SNAPC3: variants seen among roughly 807,000 people sequenced by gnomAD.
The protein encoded by SNAPC3 is snRNA-activating protein complex subunit 3.
In SNAPC3, 56 loss-of-function variants were observed where a neutral mutation model predicts 47.7. That is an observed-to-expected ratio of 1.18 (90% CI 0.95 to 1.47). The LOEUF is 1.47. Among genes scored for constraint, SNAPC3 ranks in the 40% most tolerant of loss-of-function variants. SNAPC3 has a pLI of 0.00. For missense variants in SNAPC3, 665 were observed against 511.3 expected, an observed-to-expected ratio of 1.30 and a Z score of -2.90; for synonymous variants, 235 against 189.9, an observed-to-expected ratio of 1.24 and a Z score of -1.95.
intron 2 of SNAPC3, among the ~76,000 whole-genome samples, chr9:15,433,003 G>A (rs1224039051): frequency 3.3e-5 from 5 of 152,158 alleles, no homozygotes; most frequent in African/African-American, 4.8e-5. Flanking sequence ...CTAGTAAGAT[G>A]TCATATTAAT....
downstream of SNAPC3, chr9:15,466,710 TAAA>T (rs749910436): frequency 7.3e-6 from 11 of 1,500,972 alleles, no homozygotes; most frequent in Admixed American, 2.0e-5. Flanking sequence ...ACCTGAATAA[TAAA>T]AAACACACAA....
intron 2 of SNAPC3, among the ~76,000 whole-genome samples, chr9:15,429,418 G>A (rs907369436): frequency 3.3e-5 from 5 of 151,832 alleles, no homozygotes; most frequent in African/African-American, 1.2e-4. Context: ...AGAGGATGAG[G>A]GTGGAAGATT....
downstream of SNAPC3, chr9:15,464,260 GA>G: frequency 5.2e-6 from 1 of 193,568 alleles, no homozygotes; most frequent in Non-Finnish European, 1.1e-5. Context: ...TTCTGTAGAT[GA>G]AAACAGTTAT....
intron 2 of SNAPC3, among the ~76,000 whole-genome samples, chr9:15,427,521 T>C (rs7869072): frequency 6.6e-6 from 1 of 152,150 alleles, no homozygotes; most frequent in African/African-American, 2.4e-5. Flanking sequence ...GCTAATTTTT[T>C]ATATTTTTAG....
At chr9:15,445,076 A>G (rs2033820157) in intron 4 of SNAPC3, among the ~76,000 whole-genome samples, 1 of 152,240 alleles carries the variant, frequency 6.6e-6, no homozygotes, top group Non-Finnish European at 1.5e-5. Context: ...CCTAGGAGAC[A>G]GCGTGAGACC....
chr9:15,449,410 A>T (rs1239720321), intron 5 of SNAPC3, among the ~76,000 whole-genome samples: 1 of 151,722 alleles, frequency 6.6e-6, no homozygotes, highest in Non-Finnish European at 1.5e-5. Flanking sequence ...TTGTCAATTT[A>T]CTTGGTCTGT....
chr9:15,466,301 C>T, downstream of SNAPC3, among the ~76,000 whole-genome samples: 1 of 152,184 alleles, frequency 6.6e-6, no homozygotes, highest in Non-Finnish European at 1.5e-5. Context: ...ATCGCTTGAA[C>T]CCAGGAAGTG....
rs2030788244 is a variant in SNAPC3, at chr9:15,423,126, G to A, written c.247G>A (p.Asp83Asn). The change falls in exon 1 of 9, where the codon GAT becomes AAT. Residue 83 changes from aspartate (D) to asparagine (N), a missense_variant. By Grantham distance (23) the Asp-to-Asn change is conservative (BLOSUM62 1). Coordinates refer to ENST00000380821, the MANE Select transcript of SNAPC3 (RefSeq NM_001039697.2). The part of the protein sequence containing the change: ...GSQAADSDRE[D>N]AAVARDLDCS... ...CCAGGCAGCTGACTCCGACCGGGAG[G>A]ATGCCGCGGTGGCCAGGGATCTGGA... is the stretch of plus-strand genomic sequence containing the variant. 3 of 1,557,392 alleles carry A rather than the reference G, an allele frequency of 1.9e-6. No individual in the cohort carries two copies. Among genetic ancestry groups the A allele is most frequent in the South Asian group, 2.4e-5 (2 of 83,932 alleles).
chr9:15,454,229 C>CAA (rs574232604), intron 7 of SNAPC3, among the ~76,000 whole-genome samples: 5 of 110,038 alleles, frequency 4.5e-5, no homozygotes, highest in East Asian at 2.5e-4. Context: ...GACCTTGTCT[C>CAA]AAAAAAAAAA....
At position 15,423,969 on chromosome 9, in the gene SNAPC3, T is replaced by C; in HGVS notation, c.375T>C (p.Thr125=). The C allele has an allele frequency of 2.5e-6, 4 of 1,577,878 alleles. No homozygotes were observed. The highest frequency in any genetic ancestry group is 3.4e-6 in the Non-Finnish European group (4 of 1,162,554). ...ATCCAGAAGTCATTCCGGAGAATAC[T>C]GACCTGGTGACTTTGGGGTATGGAG... ...GEDPEVIPEN[T]DLVTLGVRKR... The change falls in exon 2 of 9, where the codon ACT becomes ACC. Residue 125 remains threonine, a synonymous_variant. Coordinates refer to ENST00000380821, the MANE Select transcript of SNAPC3 (RefSeq NM_001039697.2).
At chr9:15,435,683 T>G (rs1394834459) in intron 3 of SNAPC3, among the ~76,000 whole-genome samples, 1 of 151,046 alleles carries the variant, frequency 6.6e-6, no homozygotes, top group African/African-American at 2.4e-5. Flanking sequence ...GAGCCCAGAT[T>G]GTGCCATTGC....
intron 8 of SNAPC3, among the ~76,000 whole-genome samples, chr9:15,458,944 TAATATA>T (rs1376679303): frequency 6.6e-6 from 1 of 152,154 alleles, no homozygotes; most frequent in Non-Finnish European, 1.5e-5. Flanking sequence ...AATATATGCA[TAATATA>T]TTTAAAAATC....
intron 2 of SNAPC3, among the ~76,000 whole-genome samples, chr9:15,426,361 T>G (rs1276653773): frequency 1.3e-5 from 2 of 152,210 alleles, no homozygotes; most frequent in African/African-American, 4.8e-5. Flanking sequence ...TGTATGCTCA[T>G]GTAGCACCCT....
intron 3 of SNAPC3, among the ~76,000 whole-genome samples, chr9:15,443,163 G>A (rs1253943124): frequency 6.6e-6 from 1 of 152,154 alleles, no homozygotes. Flanking sequence ...AGACTGTGGA[G>A]AGAGAGGGAG....
intron 3 of SNAPC3, among the ~76,000 whole-genome samples, chr9:15,440,261 C>T (rs942094153): frequency 3.3e-4 from 50 of 152,162 alleles, no homozygotes; most frequent in African/African-American, 1.2e-3. Context: ...GTGTTGTTCC[C>T]TTTAGCAGTA....
chr9:15,459,687 T>C (rs1442306123), intron 8 of SNAPC3, 32 bp from the exon 9 acceptor site: 3 of 1,599,568 alleles, frequency 1.9e-6, no homozygotes, highest in South Asian at 1.1e-5. Context: ...AATTTGATTG[T>C]AATGATGTAC....
Position 15,447,172 on chromosome 9 carries a change from A to G in SNAPC3, c.660A>G (p.Arg220=), listed in dbSNP as rs1308321903. The part of the protein sequence containing the change: ...QKLTQLRDSI[R]CVSDLQIGGE... ...TCACACAACTGAGGGATTCAATTCG[A>G]TGTGTCAGTGACCTCCAGATTGGTG... is the stretch of plus-strand genomic sequence containing the variant. Residue 220 remains arginine (R), a synonymous_variant, in exon 5 of 9, where the codon CGA becomes CGG. Coordinates refer to ENST00000380821, the MANE Select transcript of SNAPC3 (RefSeq NM_001039697.2). 1 of 1,613,812 alleles carries G rather than the reference A, an allele frequency of 6.2e-7. No homozygotes were observed. Among genetic ancestry groups the G allele is most frequent in the Non-Finnish European group, 8.5e-7 (1 of 1,179,798 alleles).
chr9:15,460,498 C>T lies in SNAPC3; in HGVS notation c.*632C>T, dbSNP rs1161959194. On this transcript the variant is annotated 3_prime_UTR_variant, in exon 9 of 9. Coordinates refer to ENST00000380821, the MANE Select transcript of SNAPC3 (RefSeq NM_001039697.2). ...CTCCGCCTCCCGGATTCAAGTGATTCTCCTGCCACAGCCTCCTGAGTAGCT... is the reference window on the plus strand; with the variant it reads ...CTCCGCCTCCCGGATTCAAGTGATTTTCCTGCCACAGCCTCCTGAGTAGCT... 6.6e-6 allele frequency: 1 copy of T among 152,302 alleles called. No individual in the cohort carries two copies. The highest frequency in any genetic ancestry group is 1.5e-5 in the Non-Finnish European group (1 of 68,082). 9.4% of individuals were successfully genotyped at this position (152,302 alleles called of 1,614,324 possible). A position where few individuals can be genotyped will look rare whatever the true frequency, so the allele number is the denominator to read the frequency against.
At chr9:15,462,943 A>AT (rs2035329268), downstream of SNAPC3, 1 of 152,208 alleles carries the variant, frequency 6.6e-6, no homozygotes, top group Admixed American at 6.5e-5. Flanking sequence ...CTCTGCTCTT[A>AT]TACAGGATTA....
Sources: allele counts gnomAD v4.1 joint callset (sites outside exome capture counted in the v4.1 genomes callset), GRCh38; gene constraint gnomAD v4.1.1; transcripts MANE v1.5; gene names NCBI Gene and HGNC (gene_info 2026-07-23, HGNC 2026-07-21).